Variants in GALNT12 observed in about 807,000 individuals in gnomAD.
GALNT12 encodes polypeptide N-acetylgalactosaminyltransferase 12, also known as UDP-GalNAc:polypeptide N-acetylgalactosaminyltransferase 12.
In GALNT12, 45 loss-of-function variants were observed where a neutral mutation model predicts 55.5. The ratio of observed to expected loss-of-function variants is 0.81; its 90% CI spans 0.64 to 1.04. GALNT12 has a LOEUF of 1.04. GALNT12 is among the 50% of genes least tolerant of loss of function. GALNT12 has a pLI of 0.00. For missense variants in GALNT12, 709 were observed against 754.8 expected (o/e 0.94, Z 0.71); for synonymous variants, 304 against 312.2 (o/e 0.97, Z 0.28).
Position 98,849,627 on chromosome 9 carries a change from T to A in GALNT12, c.*535T>A, listed in dbSNP as rs945021214. Reference sequence around the variant, plus strand: ...ATTCAGGTCATTGAGATCTTCTAGATGTATTTTAAAAAGAATGCTTTTTGG... The same window carrying A: ...ATTCAGGTCATTGAGATCTTCTAGAAGTATTTTAAAAAGAATGCTTTTTGG... On this transcript the variant is annotated 3_prime_UTR_variant, in exon 10 of 10. Transcript: ENST00000375011. The A allele has an allele frequency of 2.4e-6, 1 of 410,386 alleles. No homozygotes were observed. The highest frequency in any genetic ancestry group is 2.1e-5 in the African/African-American group (1 of 48,702). The allele number at this position is 410,386 out of a possible 1,614,324, so 25.4% of individuals were successfully genotyped here.
rs2118438929 is a variant in GALNT12 at position 98,835,340 on chromosome 9, G to A, written c.1009G>A (p.Gly337Arg). The A allele has an allele frequency of 6.2e-7, 1 of 1,610,088 alleles. No homozygotes were observed. Among genetic ancestry groups the A allele is most frequent in the Non-Finnish European group, 8.5e-7 (1 of 1,176,320 alleles). ...TGATACAGGAATGGAAGTTTGGGGA[G>A]GAGAAAACCTCGAATTTTCCTTTAG... The part of the protein sequence containing the change: ...SYDTGMEVWG[G>R]ENLEFSFRIW... The change falls in exon 5 of 10, where the codon GGA becomes AGA. Residue 337 changes from glycine to arginine, a missense_variant. By Grantham distance (125) the Gly-to-Arg change is moderately radical. This residue lies in a region of GALNT12 where 17 missense variants were observed against 33.1 expected (regional missense o/e 0.51). Transcript: ENST00000375011.
chr9:98,827,380 T>C (rs1394324828), intron 3 of GALNT12, among the ~76,000 whole-genome samples: 2 of 152,060 alleles, frequency 1.3e-5, no homozygotes, highest in African/African-American at 4.8e-5. Context: ...TTATATTTTT[T>C]TGTAGAGATG....
chr9:98,822,155 C>T (rs1835757176), intron 1 of GALNT12, among the ~76,000 whole-genome samples: 1 of 152,232 alleles, frequency 6.6e-6, no homozygotes, highest in East Asian at 1.9e-4. Flanking sequence ...CTTGCCTTAG[C>T]AACCCAGGGA....
intron 7 of GALNT12, among the ~76,000 whole-genome samples, chr9:98,843,279 A>G (rs992690399): frequency 5.3e-5 from 8 of 152,204 alleles, no homozygotes; most frequent in Non-Finnish European, 8.8e-5. Flanking sequence ...ATACAGTACT[A>G]CAGCTTAGAG....
chr9:98,812,670 G>T (rs557764749), intron 1 of GALNT12, among the ~76,000 whole-genome samples: 209 of 152,168 alleles, frequency 1.4e-3, no homozygotes, highest in Non-Finnish European at 2.6e-3. Flanking sequence ...GCTTACTGAT[G>T]CTTTTGGATT....
chr9:98,849,944 G>A lies in GALNT12; in HGVS notation c.*852G>A, dbSNP rs570330805. 12 of 225,178 alleles carry A rather than the reference G, an allele frequency of 5.3e-5. No homozygotes were observed. Among genetic ancestry groups the A allele is most frequent in the Non-Finnish European group, 8.8e-5 (10 of 113,810 alleles). The allele number at this position is 225,178 out of a possible 1,614,324, so 13.9% of individuals were successfully genotyped here. A position where few individuals can be genotyped will look rare whatever the true frequency, so the allele number is the denominator to read the frequency against. ...ATAACAGTTATTAATTTAAATCAGC[G>A]TTAGAGTTTGTGCTGCTGCAACTGC... is the stretch of plus-strand genomic sequence containing the variant. On this transcript the variant is annotated 3_prime_UTR_variant, in exon 10 of 10. Transcript: ENST00000375011.
chr9:98,823,492 G>T, intron 2 of GALNT12, 67 bp downstream of exon 2: 1 of 1,428,490 alleles, frequency 7.0e-7, no homozygotes, highest in Non-Finnish European at 9.9e-7. Context: ...GGTGAGAGTG[G>T]GATGCAGGAG....
chr9:98,849,569 G>C lies in GALNT12; in HGVS notation c.*477G>C, dbSNP rs1836504121. The C allele has an allele frequency of 4.5e-6, 2 of 447,574 alleles. No individual in the cohort carries two copies. The highest frequency in any genetic ancestry group is 6.5e-5 in the East Asian group (2 of 30,642). The allele number at this position is 447,574 out of a possible 1,614,324, so 27.7% of individuals were successfully genotyped here. ...GCGGGGTTAAAGTTTTCCCAGTATA[G>C]AGAGACTGTCACTAGGAACATTGTA... On this transcript the variant is annotated 3_prime_UTR_variant, in exon 10 of 10. Transcript: ENST00000375011.
At chr9:98,846,249 GCT>G in intron 9 of GALNT12, 126 bp downstream of exon 9, 1 of 1,265,688 alleles carries the variant, frequency 7.9e-7, no homozygotes, top group Admixed American at 1.7e-5. Flanking sequence ...ATGGACAGGA[GCT>G]CTGGAAGACC....
At chr9:98,811,153 G>A (rs1316369948) in intron 1 of GALNT12, among the ~76,000 whole-genome samples, 2 of 152,220 alleles carry the variant, frequency 1.3e-5, no homozygotes, top group Non-Finnish European at 2.9e-5. Context: ...CTGGCCTAGA[G>A]CCTGTGGATT....
In GALNT12 at chr9:98,836,826, G is replaced by T. The variant is rs1836159482; in HGVS notation, c.1036-146G>T. On this transcript the variant is annotated intron_variant, in intron 5 of 9. Coordinates refer to ENST00000375011, the MANE Select transcript of GALNT12 (RefSeq NM_024642.5). ...ACATTCTGTGTCATGAGTGTGCCGGGTAGGTGGCCTCCTGCCCGATGGAGG... is the reference window on the plus strand; with the variant it reads ...ACATTCTGTGTCATGAGTGTGCCGGTTAGGTGGCCTCCTGCCCGATGGAGG... 16 of 800,214 alleles carry T rather than the reference G, an allele frequency of 2.0e-5. No homozygotes were observed. The South Asian group carries it at 2.1e-4, about 11-fold the overall frequency. The allele number at this position is 800,214 out of a possible 1,614,324, so 49.6% of individuals were successfully genotyped here. A position where few individuals can be genotyped will look rare whatever the true frequency, so the allele number is the denominator to read the frequency against.
At chr9:98,844,988 G>T (rs972386526) in intron 8 of GALNT12, among the ~76,000 whole-genome samples, 1 of 152,148 alleles carries the variant, frequency 6.6e-6, no homozygotes, top group Non-Finnish European at 1.5e-5. Flanking sequence ...TTCAGATGTT[G>T]TTTTTTCCAA....
chr9:98,840,607 C>T (rs1836266585), intron 7 of GALNT12, among the ~76,000 whole-genome samples: 1 of 152,174 alleles, frequency 6.6e-6, no homozygotes, highest in Non-Finnish European at 1.5e-5. Flanking sequence ...GGGAATGACA[C>T]CAGCTTAGCA....
intron 1 of GALNT12, among the ~76,000 whole-genome samples, chr9:98,818,897 G>C (rs1284296891): frequency 6.6e-6 from 1 of 152,166 alleles, no homozygotes; most frequent in Non-Finnish European, 1.5e-5. Flanking sequence ...TGAGATTATA[G>C]CCAAGATGTC....
chr9:98,834,491 C>T (rs756204003), intron 4 of GALNT12, among the ~76,000 whole-genome samples: 4 of 152,186 alleles, frequency 2.6e-5, no homozygotes, highest in Admixed American at 2.0e-4. Context: ...AGTGTTCTGC[C>T]GTGTAGGCTG....
intron 8 of GALNT12, among the ~76,000 whole-genome samples, chr9:98,845,544 A>G (rs1836390709): frequency 6.6e-6 from 1 of 152,074 alleles, no homozygotes; most frequent in Non-Finnish European, 1.5e-5. Context: ...AGCACTTTAC[A>G]TCTTCTAGGA....
intron 1 of GALNT12, among the ~76,000 whole-genome samples, chr9:98,811,495 T>C (rs1835494795): frequency 6.6e-6 from 1 of 152,132 alleles, no homozygotes; most frequent in African/African-American, 2.4e-5. Context: ...AGGAATCCCA[T>C]ATGTGTGAAC....
chr9:98,835,219 C>T (rs751775596), intron 4 of GALNT12, 30 bp from the exon 5 acceptor site: 3 of 1,432,746 alleles, frequency 2.1e-6, no homozygotes, highest in Admixed American at 3.3e-5. Context: ...CTGCTGTCTA[C>T]AGTGAAATAA....
intron 1 of GALNT12, among the ~76,000 whole-genome samples, chr9:98,818,142 A>G (rs771436302): frequency 1.3e-5 from 2 of 152,260 alleles, no homozygotes; most frequent in Non-Finnish European, 2.9e-5. Flanking sequence ...TCAAAGAACA[A>G]AGACATTCTC....
Sources: gnomAD v4.1 joint callset for allele counts (sites outside exome capture counted in the v4.1 genomes callset) on GRCh38, gnomAD v4.1.1 for gene constraint, gnomAD v4.1.1 regional missense constraint, MANE v1.5 for transcripts, NCBI Gene and HGNC (gene_info 2026-07-23, HGNC 2026-07-21) for gene names.